The following ALPK1 variants were observed in gnomAD, a reference collection of about 807,000 sequenced individuals.
ALPK1 encodes alpha-protein kinase 1.
In ALPK1, 110 loss-of-function variants were observed where a neutral mutation model predicts 120.6. That is an observed-to-expected ratio of 0.91 (90% CI 0.78 to 1.07). The LOEUF (loss-of-function observed/expected upper bound fraction) is 1.07, where lower values mean the gene tolerates loss of function less well. Ranked by LOEUF, ALPK1 falls within the 50% of genes least tolerant of loss-of-function variation. The pLI, the probability that ALPK1 is intolerant of heterozygous loss-of-function variation, is 0.00. For missense variants in ALPK1, 1,498 were observed against 1,483.9 expected, an observed-to-expected ratio of 1.01 and a Z score of -0.16; for synonymous variants, 582 against 560.3, an observed-to-expected ratio of 1.04 and a Z score of -0.55.
At chr4:112,414,051 G>C (rs1733617693) in intron 5 of ALPK1, among the ~76,000 whole-genome samples, 1 of 152,200 alleles carries the variant, frequency 6.6e-6, no homozygotes, top group African/African-American at 2.4e-5. Context: ...AGAGAGAGAA[G>C]GACTGGGACT....
rs190999360 is a variant in ALPK1 at position 112,300,175 on chromosome 4, T to A, written c.-153+2706T>A. Reference sequence around the variant, plus strand: ...TAAAACATGATAGGATAAAAAATAGTACCAGCACAGAAAATACTAAGTGAA... The same window carrying A: ...TAAAACATGATAGGATAAAAAATAGAACCAGCACAGAAAATACTAAGTGAA... On this transcript the variant is annotated intron_variant, in intron 1 of 15. Coordinates refer to ENST00000650871, the MANE Select transcript of ALPK1 (RefSeq NM_025144.4). 5.3e-5 allele frequency among the ~76,000 whole-genome samples: 8 copies of A among 152,276 alleles called. No homozygotes were observed. In the East Asian group the frequency reaches 1.5e-3, roughly 29 times the overall value.
intron 2 of ALPK1, chr4:112,356,329 C>A: frequency 1.1e-6 from 1 of 897,682 alleles, no homozygotes; most frequent in Non-Finnish European, 1.9e-6. Flanking sequence ...AAGACACCAT[C>A]TTTGCCTGCA....
At chr4:112,418,095 G>A (rs1055839156) in intron 5 of ALPK1, among the ~76,000 whole-genome samples, 5 of 152,136 alleles carry the variant, frequency 3.3e-5, no homozygotes, top group African/African-American at 9.7e-5. Flanking sequence ...TTAAGGTACA[G>A]CCACTATTCC....
intron 4 of ALPK1, among the ~76,000 whole-genome samples, chr4:112,402,153 C>T (rs1276366568): frequency 6.6e-6 from 1 of 152,230 alleles, no homozygotes; most frequent in Non-Finnish European, 1.5e-5. Context: ...CCCCACCTCC[C>T]TTCCATATTT....
At chr4:112,439,625 C>A (rs1734942234) in intron 13 of ALPK1, 61 bp from the exon 14 acceptor site, 1 of 1,444,674 alleles carries the variant, frequency 6.9e-7, no homozygotes, top group East Asian at 2.4e-5. Context: ...AAGATTTACC[C>A]AAGTCCAAAG....
intron 2 of ALPK1, chr4:112,343,003 T>A (rs1357302664): frequency 6.6e-6 from 1 of 152,612 alleles, no homozygotes; most frequent in Non-Finnish European, 1.5e-5. Context: ...TCCCCTTCCA[T>A]CCCTTCAGCT....
intron 12 of ALPK1, among the ~76,000 whole-genome samples, chr4:112,437,782 G>A (rs1734849226): frequency 6.6e-6 from 1 of 152,148 alleles, no homozygotes; most frequent in Non-Finnish European, 1.5e-5. Context: ...TCTGGTTGAA[G>A]TCTATGACTC....
In ALPK1 at chr4:112,382,406, C is replaced by T. The variant is rs375325807; in HGVS notation, c.130C>T (p.Pro44Ser). Residue 44 changes from proline to serine, a missense_variant, in exon 4 of 16, where the codon CCC (proline) becomes TCC (serine). Physicochemically the swap from Pro to Ser is moderately conservative, Grantham distance 74. Transcript: ENST00000650871. ...SEDQRCRALL[P>S]SELRTLIQEA... ...AACTCTGACCTTTTCAGCTTTACTCCCCAGCGAGTTAAGGACCCTGATCCA... is the reference window on the plus strand; with the variant it reads ...AACTCTGACCTTTTCAGCTTTACTCTCCAGCGAGTTAAGGACCCTGATCCA... 130 of 1,612,590 alleles carry T rather than the reference C, an allele frequency of 8.1e-5. No homozygotes were observed. The highest frequency in any genetic ancestry group is 1.1e-4 in the Non-Finnish European group (128 of 1,179,632).
chr4:112,336,157 G>C (rs1283560832), intron 2 of ALPK1, among the ~76,000 whole-genome samples: 1 of 152,164 alleles, frequency 6.6e-6, no homozygotes, highest in African/African-American at 2.4e-5. Flanking sequence ...CTATCTGAAT[G>C]AATGAGTGAA....
chr4:112,385,574 C>T (rs997989541), intron 4 of ALPK1, among the ~76,000 whole-genome samples: 3 of 152,236 alleles, frequency 2.0e-5, no homozygotes, highest in African/African-American at 7.2e-5. Flanking sequence ...TGTGCCAGAC[C>T]CCAAGTGCAC....
chr4:112,376,523 G>T (rs992465046), intron 2 of ALPK1, among the ~76,000 whole-genome samples: 15 of 152,162 alleles, frequency 9.9e-5, no homozygotes, highest in Admixed American at 8.5e-4. Flanking sequence ...CTCCTGCTAA[G>T]TCACAGAATA....
intron 5 of ALPK1, among the ~76,000 whole-genome samples, chr4:112,420,586 A>C (rs893013567): frequency 6.6e-6 from 1 of 152,224 alleles, no homozygotes; most frequent in African/African-American, 2.4e-5. Flanking sequence ...GGATATAGGA[A>C]AAGATAATTT....
At chr4:112,342,053 G>A (rs779779667) in intron 2 of ALPK1, among the ~76,000 whole-genome samples, 4 of 152,062 alleles carry the variant, frequency 2.6e-5, no homozygotes, top group Non-Finnish European at 5.9e-5. Flanking sequence ...TCTTAGAATT[G>A]AATCATTAAA....
At chr4:112,339,267 G>T (rs373009986) in intron 2 of ALPK1, among the ~76,000 whole-genome samples, 3 of 152,120 alleles carry the variant, frequency 2.0e-5, no homozygotes, top group Non-Finnish European at 4.4e-5. Context: ...ATATGATGAG[G>T]TTCCGGTGTC....
rs77364617 is a variant in ALPK1 at position 112,434,680 on chromosome 4, T to C, written c.3035-468T>C. On this transcript the variant is annotated intron_variant, in intron 11 of 15. Coordinates refer to ENST00000650871, the MANE Select transcript of ALPK1 (RefSeq NM_025144.4). ...TCCAAACTTTCTCAACTTAAAACAATGAAGAGAAAATTAGGGTGCACTTGA... is the reference window on the plus strand; with the variant it reads ...TCCAAACTTTCTCAACTTAAAACAACGAAGAGAAAATTAGGGTGCACTTGA... Among the ~76,000 whole-genome samples the C allele has an allele frequency of 4.6e-3, 695 of 152,338 alleles. 9 individuals are homozygous for C. Among genetic ancestry groups the C allele is most frequent in the Non-Finnish European group, 7.9e-3 (534 of 68,022 alleles).
At chr4:112,424,757 GTCA>G (rs1252511697) in intron 6 of ALPK1, among the ~76,000 whole-genome samples, 1 of 152,046 alleles carries the variant, frequency 6.6e-6, no homozygotes, top group African/African-American at 2.4e-5. Flanking sequence ...ATACACTCTT[GTCA>G]TCATGTGTGT....
intron 2 of ALPK1, among the ~76,000 whole-genome samples, chr4:112,370,815 A>T (rs1260450136): frequency 6.6e-6 from 1 of 152,234 alleles, no homozygotes; most frequent in Non-Finnish European, 1.5e-5. Context: ...TTTCTGGGGA[A>T]TTGCAAGTAC....
At chr4:112,357,868 G>C in intron 2 of ALPK1, 1 of 1,159,806 alleles carries the variant, frequency 8.6e-7, no homozygotes, top group South Asian at 1.2e-5. Flanking sequence ...GAAGATGGAG[G>C]CGCTGAGGCC....
chr4:112,431,907 CAGA>C lies in ALPK1; in HGVS notation c.2363_2365del (p.Glu788del). On this transcript the variant is annotated inframe_deletion, in exon 11 of 16. Transcript: ENST00000650871. ...AAAGCTAGTCCCTCCTGGGTTGACC[CAGA>C]AGGAGAAACAGCAGAAAGCACTGAA... 1 of 1,614,048 alleles carries C rather than the reference CAGA, an allele frequency of 6.2e-7. No homozygotes were observed. Among genetic ancestry groups the C allele is most frequent in the Non-Finnish European group, 8.5e-7 (1 of 1,180,040 alleles).
Sources: allele counts gnomAD v4.1 joint callset (sites outside exome capture counted in the v4.1 genomes callset), GRCh38; gene constraint gnomAD v4.1.1; transcripts MANE v1.5; gene names NCBI Gene and HGNC (gene_info 2026-07-23, HGNC 2026-07-21).